The following GRM8 variants were observed in gnomAD, a reference collection of about 807,000 sequenced individuals.
GRM8 encodes the protein metabotropic glutamate receptor 8.
GRM8 carries 47 observed loss-of-function variants against 87.2 expected under a neutral mutation model. The observed-to-expected ratio is 0.54, with a 90% CI of 0.43 to 0.69. GRM8 has a LOEUF of 0.69. Among genes scored for constraint, GRM8 ranks in the 30% least tolerant of loss-of-function variants. GRM8 has a pLI of 0.00. For synonymous variants in GRM8, 396 were observed against 404.5 expected, an observed-to-expected ratio of 0.98 and a Z score of 0.25; for missense variants, 1,019 against 1,139.2, an observed-to-expected ratio of 0.89 and a Z score of 1.52.
At chr7:127,096,110 A>G (rs1244706241) in intron 3 of GRM8, among the ~76,000 whole-genome samples, 1 of 152,234 alleles carries the variant, frequency 6.6e-6, no homozygotes, top group Non-Finnish European at 1.5e-5. Flanking sequence ...ATCACTGCTA[A>G]GGTATAGAGC....
At chr7:126,993,801 A>C (rs950338267) in intron 3 of GRM8, among the ~76,000 whole-genome samples, 1 of 152,192 alleles carries the variant, frequency 6.6e-6, no homozygotes, top group African/African-American at 2.4e-5. Flanking sequence ...AGACCTAACC[A>C]GAGAGGAAGT....
chr7:126,655,731 T>C (rs374361131), intron 7 of GRM8, among the ~76,000 whole-genome samples: 20 of 152,184 alleles, frequency 1.3e-4, no homozygotes, highest in Admixed American at 1.3e-3. Context: ...AAAATTATGA[T>C]GGAAACAAAA....
chr7:126,588,364 T>C (rs1411869094), intron 8 of GRM8, among the ~76,000 whole-genome samples: 1 of 152,148 alleles, frequency 6.6e-6, no homozygotes, highest in African/African-American at 2.4e-5. Flanking sequence ...GGGGTATAAA[T>C]TATTTCACCC....
chr7:127,235,534 T>C (rs916168961), intron 2 of GRM8, among the ~76,000 whole-genome samples: 34 of 152,190 alleles, frequency 2.2e-4, no homozygotes, highest in Non-Finnish European at 3.4e-4. Context: ...TCAACTGTTT[T>C]TCAAAAAACA....
chr7:126,632,096 C>T (rs1465886469), intron 7 of GRM8, among the ~76,000 whole-genome samples: 1 of 152,100 alleles, frequency 6.6e-6, no homozygotes, highest in East Asian at 1.9e-4. Flanking sequence ...AAACAGACAA[C>T]CCACAGAATG....
intron 7 of GRM8, among the ~76,000 whole-genome samples, chr7:126,762,868 C>T (rs1311694762): frequency 6.6e-6 from 1 of 151,650 alleles, no homozygotes; most frequent in African/African-American, 2.4e-5. Flanking sequence ...AAAAACAATG[C>T]TGATCAATAT....
chr7:127,005,494 C>T (rs556937864), intron 3 of GRM8, among the ~76,000 whole-genome samples: 1 of 151,618 alleles, frequency 6.6e-6, no homozygotes, highest in Non-Finnish European at 1.5e-5. Context: ...TGTTTCAATC[C>T]CCCTAAGGCC....
intron 7 of GRM8, among the ~76,000 whole-genome samples, chr7:126,766,101 G>A (rs2151592736): frequency 6.6e-6 from 1 of 152,138 alleles, no homozygotes; most frequent in East Asian, 1.9e-4. Flanking sequence ...CATATTCTTT[G>A]CTTTGTCAAT....
intron 7 of GRM8, among the ~76,000 whole-genome samples, chr7:126,640,547 C>T (rs1244810545): frequency 1.3e-5 from 2 of 152,146 alleles, no homozygotes; most frequent in South Asian, 2.1e-4. Context: ...TTTATATTAT[C>T]AATCTCTCTC....
intron 6 of GRM8, among the ~76,000 whole-genome samples, chr7:126,875,169 C>T (rs1484127689): frequency 6.6e-6 from 1 of 151,444 alleles, no homozygotes; most frequent in Admixed American, 6.6e-5. Context: ...ATTTAGTTAA[C>T]ATATTTTGTA....
At chr7:126,557,992 T>C (rs1417224366) in intron 8 of GRM8, among the ~76,000 whole-genome samples, 1 of 152,184 alleles carries the variant, frequency 6.6e-6, no homozygotes, top group African/African-American at 2.4e-5. Context: ...AAAATTAACA[T>C]AAATTCATAC....
At chr7:126,507,856 C>G (rs942382953) in intron 9 of GRM8, among the ~76,000 whole-genome samples, 1 of 151,978 alleles carries the variant, frequency 6.6e-6, no homozygotes, top group Non-Finnish European at 1.5e-5. Context: ...TGGCCCTCCC[C>G]CAAGTTTTCC....
At chr7:126,554,777 C>T (rs149241624) in intron 8 of GRM8, among the ~76,000 whole-genome samples, 1,719 of 152,008 alleles carry the variant, frequency 0.011, 40 homozygotes, top group African/African-American at 0.039. Context: ...TTTTTGTTTC[C>T]AGTCTTTCTT....
chr7:126,950,932 T>A (rs970571255), intron 3 of GRM8, among the ~76,000 whole-genome samples: 1 of 149,644 alleles, frequency 6.7e-6, no homozygotes, highest in Non-Finnish European at 1.5e-5. Flanking sequence ...TTTTTTTTTT[T>A]AACTGTCTTA....
intron 9 of GRM8, among the ~76,000 whole-genome samples, chr7:126,482,787 G>C (rs1437682815): frequency 1.3e-5 from 2 of 152,008 alleles, no homozygotes; most frequent in Middle Eastern, 6.8e-3. Flanking sequence ...AAATGGTTGA[G>C]AGTAAATTTT....
chr7:126,637,415 G>A (rs542307754), intron 7 of GRM8, among the ~76,000 whole-genome samples: 4 of 151,942 alleles, frequency 2.6e-5, no homozygotes, highest in Admixed American at 1.3e-4. Flanking sequence ...TTCACATCAC[G>A]AAACTCAAAA....
intron 3 of GRM8, among the ~76,000 whole-genome samples, chr7:126,967,934 T>C (rs967814026): frequency 6.6e-6 from 1 of 152,232 alleles, no homozygotes; most frequent in Non-Finnish European, 1.5e-5. Flanking sequence ...TCCATGACTT[T>C]ACAATTCCAT....
chr7:126,722,923 TATATATA>T lies in GRM8; in HGVS notation c.1357+46935_1357+46941del, dbSNP rs1348913797. Among the ~76,000 whole-genome samples, 4 of 141,802 alleles carry T rather than the reference TATATATA, an allele frequency of 2.8e-5. No individual in the cohort carries two copies. In the East Asian group the frequency reaches 5.9e-4, roughly 21 times the overall value. The allele number at this position is 141,802 out of a possible 152,430, so 93.0% of individuals were successfully genotyped here. A position where few individuals can be genotyped will look rare whatever the true frequency, so the allele number is the denominator to read the frequency against. ...ATATATAATTATATATATAATATGTTATATATAATATATATGTTATAGATAATATATA... is the reference window on the plus strand; with the variant it reads ...ATATATAATTATATATATAATATGTTATATATATGTTATAGATAATATATA... On this transcript the variant is annotated intron_variant, in intron 7 of 10. Coordinates refer to ENST00000339582, the MANE Select transcript of GRM8 (RefSeq NM_000845.3).
chr7:126,823,788 T>C (rs2130229634), intron 6 of GRM8, among the ~76,000 whole-genome samples: 1 of 152,324 alleles, frequency 6.6e-6, no homozygotes, highest in East Asian at 1.9e-4. Context: ...CTCACTTGAA[T>C]AGTTGAGAGG....
Sources: gnomAD v4.1 joint callset for allele counts (sites outside exome capture counted in the v4.1 genomes callset) on GRCh38, gnomAD v4.1.1 for gene constraint, MANE v1.5 for transcripts, NCBI Gene and HGNC (gene_info 2026-07-23, HGNC 2026-07-21) for gene names.